The following RNF115 variants were observed in gnomAD, a reference collection of about 807,000 sequenced individuals.
The protein encoded by RNF115 is E3 ubiquitin-protein ligase RNF115.
A neutral mutation model predicts 39.2 loss-of-function variants in RNF115; 31 were observed. That is an observed-to-expected ratio of 0.79 (90% CI 0.59 to 1.07). RNF115 has a LOEUF of 1.07. RNF115 is among the 50% of genes least tolerant of loss of function. The pLI, the probability that RNF115 is intolerant of heterozygous loss-of-function variation, is 0.00. For synonymous variants in RNF115, 124 were observed against 131.0 expected, an observed-to-expected ratio of 0.95 and a Z score of 0.37; for missense variants, 384 against 381.7, an observed-to-expected ratio of 1.01 and a Z score of -0.05.
chr1:145,792,938 T>C (rs1553719206), intron 1 of RNF115, among the ~76,000 whole-genome samples: 1 of 152,220 alleles, frequency 6.6e-6, no homozygotes, highest in East Asian at 1.9e-4. Context: ...TGAAGTAATC[T>C]GGAGACCACA....
intron 4 of RNF115, 148 bp from the exon 5 acceptor site, chr1:145,753,197 T>A: frequency 9.9e-6 from 6 of 607,530 alleles, no homozygotes; most frequent in South Asian, 7.8e-5. Flanking sequence ...GAAATCAGCC[T>A]GCCACACAGC....
chr1:145,778,901 G>A (rs190391995), intron 3 of RNF115, among the ~76,000 whole-genome samples: 38 of 152,304 alleles, frequency 2.5e-4, no homozygotes, highest in African/African-American at 8.7e-4. Flanking sequence ...CTGATTATGT[G>A]TGCCTGCTTT....
intron 6 of RNF115, 51 bp from the exon 7 acceptor site, chr1:145,750,551 C>T (rs587756541): frequency 4.9e-6 from 7 of 1,414,850 alleles, no homozygotes; most frequent in Non-Finnish European, 7.0e-6. Flanking sequence ...CGCAATATCC[C>T]TGGAGAGGGA....
In RNF115 at chr1:145,802,937, CT is replaced by C. The variant is rs146331293; in HGVS notation, c.103-13972del. ...CAAGCCAGGTTATACATCCTCCTCCCTTTTCAAAAGCATCAAGTGAACCCCA... is the reference window on the plus strand; with the variant it reads ...CAAGCCAGGTTATACATCCTCCTCCCTTTCAAAAGCATCAAGTGAACCCCA... On this transcript the variant is annotated intron_variant, in intron 1 of 8. Transcript: ENST00000582693. Among the ~76,000 whole-genome samples, 240 of 152,274 alleles carry C rather than the reference CT, an allele frequency of 1.6e-3. 1 individual carries two copies. Among genetic ancestry groups the C allele is most frequent in the African/African-American group, 5.4e-3 (225 of 41,546 alleles).
intron 4 of RNF115, among the ~76,000 whole-genome samples, chr1:145,771,135 A>G (rs1484716467): frequency 6.6e-6 from 1 of 152,220 alleles, no homozygotes; most frequent in Non-Finnish European, 1.5e-5. Context: ...TGGAAACTTA[A>G]TCCCCAGTGG....
intron 4 of RNF115, among the ~76,000 whole-genome samples, chr1:145,761,045 A>G (rs1308621957): frequency 6.6e-6 from 1 of 152,220 alleles, no homozygotes; most frequent in Non-Finnish European, 1.5e-5. Context: ...CCTGCCCTAC[A>G]GATTTGTGGA....
chr1:145,799,900 G>A (rs1485882787), intron 1 of RNF115, among the ~76,000 whole-genome samples: 2 of 152,118 alleles, frequency 1.3e-5, no homozygotes, highest in Non-Finnish European at 2.9e-5. Context: ...AGCCACTGTG[G>A]GCTTTTCATA....
At chr1:145,789,548 G>A (rs1183723752) in intron 1 of RNF115, among the ~76,000 whole-genome samples, 10 of 150,722 alleles carry the variant, frequency 6.6e-5, no homozygotes, top group East Asian at 1.9e-4. Flanking sequence ...ACAGGCATGC[G>A]ACAACACGCC....
intron 1 of RNF115, among the ~76,000 whole-genome samples, chr1:145,817,652 C>T (rs200377851): frequency 4.2e-4 from 32 of 76,968 alleles, no homozygotes; most frequent in African/African-American, 1.5e-3. Flanking sequence ...ATTTGTTACA[C>T]GGACAAACTG....
At chr1:145,791,854 T>A (rs1226308882) in intron 1 of RNF115, among the ~76,000 whole-genome samples, 7 of 152,138 alleles carry the variant, frequency 4.6e-5, no homozygotes, top group African/African-American at 7.2e-5. Flanking sequence ...CATTTTTTTT[T>A]AAACCTCATC....
intron 1 of RNF115, among the ~76,000 whole-genome samples, chr1:145,801,785 TTC>T (rs1279670333): frequency 1.3e-5 from 2 of 151,938 alleles, no homozygotes; most frequent in East Asian, 3.9e-4. Flanking sequence ...AGTAACTCAT[TTC>T]TCTCTTTTTT....
chr1:145,771,454 A>G (rs587713634), intron 4 of RNF115, among the ~76,000 whole-genome samples: 52 of 152,314 alleles, frequency 3.4e-4, no homozygotes, highest in African/African-American at 1.0e-3. Context: ...GCTGCACAAA[A>G]TGGACTGAGA....
chr1:145,795,201 C>G (rs1171937916), intron 1 of RNF115, among the ~76,000 whole-genome samples: 2 of 151,804 alleles, frequency 1.3e-5, no homozygotes, highest in Non-Finnish European at 2.9e-5. Context: ...TTGATCCTCC[C>G]GGTGGGTTCA....
At chr1:145,751,603 C>T (rs1553712510) in intron 5 of RNF115, 93 bp from the exon 6 acceptor site, 2 of 754,242 alleles carry the variant, frequency 2.7e-6, no homozygotes, top group South Asian at 1.8e-5. Flanking sequence ...CCTGTTCTCT[C>T]TCAGAGCTGG....
At chr1:145,805,759 C>T (rs113036329) in intron 1 of RNF115, among the ~76,000 whole-genome samples, 3 of 151,952 alleles carry the variant, frequency 2.0e-5, no homozygotes, top group African/African-American at 7.3e-5. Context: ...ATCACTAAAC[C>T]GTAGCTAGCA....
chr1:145,771,643 G>T, intron 4 of RNF115, 68 bp downstream of exon 4: 1 of 1,279,462 alleles, frequency 7.8e-7, no homozygotes, highest in South Asian at 1.3e-5. Context: ...CCCTTATAAA[G>T]ATTAGATTAT....
chr1:145,784,508 A>T, intron 3 of RNF115, 31 bp downstream of exon 3: 1 of 1,599,530 alleles, frequency 6.3e-7, no homozygotes, highest in Non-Finnish European at 8.6e-7. Flanking sequence ...ACCACTTCTT[A>T]AAGAATTCCT....
intron 4 of RNF115, among the ~76,000 whole-genome samples, chr1:145,753,311 A>G (rs1658166452): frequency 6.6e-6 from 1 of 152,186 alleles, no homozygotes; most frequent in Non-Finnish European, 1.5e-5. Context: ...GGTATGGTAT[A>G]GTTTTTCAAA....
chr1:145,774,600 C>G (rs1030736944), intron 3 of RNF115, among the ~76,000 whole-genome samples: 1 of 152,180 alleles, frequency 6.6e-6, no homozygotes, highest in Non-Finnish European at 1.5e-5. Flanking sequence ...ATCCGCCCAC[C>G]TCGGCCTCCC....
Sources: gnomAD v4.1 joint callset for allele counts (sites outside exome capture counted in the v4.1 genomes callset) on GRCh38, gnomAD v4.1.1 for gene constraint, MANE v1.5 for transcripts, NCBI Gene and HGNC (gene_info 2026-07-23, HGNC 2026-07-21) for gene names.